The following CDH18 variants were observed in gnomAD, a reference collection of about 807,000 sequenced individuals.
CDH18 encodes cadherin 18, also known as cadherin-18.
In CDH18, 31 loss-of-function variants were observed where a neutral mutation model predicts 67.9. The ratio of observed to expected loss-of-function variants is 0.46; its 90% CI spans 0.34 to 0.62. CDH18 has a LOEUF of 0.62. CDH18 is among the 20% of genes least tolerant of loss of function. The pLI is 0.01. For synonymous variants in CDH18, 362 were observed against 347.2 expected (o/e 1.04, Z -0.48); for missense variants, 890 against 975.5 (o/e 0.91, Z 1.17).
At chr5:19,952,658 A>G (rs894739717) in intron 2 of CDH18, among the ~76,000 whole-genome samples, 3 of 152,198 alleles carry the variant, frequency 2.0e-5, no homozygotes, top group Non-Finnish European at 4.4e-5. Flanking sequence ...TTGTGAAATT[A>G]TATTTCATTG....
At position 20,251,459 on chromosome 5, in the gene CDH18, A is replaced by G. The variant is rs74615719; in HGVS notation, c.-518+3985T>C. Among the ~76,000 whole-genome samples, 12 of 152,294 alleles carry G rather than the reference A, an allele frequency of 7.9e-5. No individual in the cohort carries two copies. The East Asian group carries it at 2.1e-3, about 27-fold the overall frequency. The stretch of plus-strand genomic sequence containing the variant: ...CAAAATCTTTCATAATATGCTTTTT[A>G]TATCTTGTTTATTGTTACAACATGT... On this transcript the variant is annotated intron_variant, in intron 2 of 14. Transcript: ENST00000507958.
At chr5:20,326,648 C>G (rs997715407) in intron 1 of CDH18, among the ~76,000 whole-genome samples, 1 of 151,572 alleles carries the variant, frequency 6.6e-6, no homozygotes, top group Non-Finnish European at 1.5e-5. Flanking sequence ...ACGCCATTCT[C>G]CTGCCTCAGC....
chr5:19,906,548 C>T (rs1025582658), intron 2 of CDH18, among the ~76,000 whole-genome samples: 14 of 151,840 alleles, frequency 9.2e-5, no homozygotes, highest in Admixed American at 9.2e-4. Flanking sequence ...TATTGTAACC[C>T]TTTCTTCTTG....
chr5:19,845,576 T>C (rs1257076512), intron 2 of CDH18, among the ~76,000 whole-genome samples: 3 of 152,110 alleles, frequency 2.0e-5, no homozygotes, highest in Admixed American at 2.0e-4. Flanking sequence ...TGATTTTCTG[T>C]CTGCATGTTC....
chr5:20,261,952 G>A (rs1744691538), intron 1 of CDH18, among the ~76,000 whole-genome samples: 1 of 151,922 alleles, frequency 6.6e-6, no homozygotes, highest in Non-Finnish European at 1.5e-5. Context: ...AGGATTGCCA[G>A]AGAAAAATAG....
At chr5:19,742,327 T>C (rs946959025) in intron 4 of CDH18, among the ~76,000 whole-genome samples, 3 of 152,108 alleles carry the variant, frequency 2.0e-5, no homozygotes, top group African/African-American at 4.8e-5. Flanking sequence ...TCTTGTGACA[T>C]ATTTGCAAAG....
chr5:19,505,803 G>T (rs1438712872), intron 10 of CDH18, among the ~76,000 whole-genome samples: 2 of 151,708 alleles, frequency 1.3e-5, no homozygotes, highest in African/African-American at 2.4e-5. Context: ...TCTCTGCCAG[G>T]CTTTGGTATC....
At chr5:20,506,272 C>A (rs946963291) in intron 1 of CDH18, among the ~76,000 whole-genome samples, 5 of 152,170 alleles carry the variant, frequency 3.3e-5, no homozygotes, top group African/African-American at 1.2e-4. Context: ...TCCTAACTTG[C>A]AGAATAGAAA....
chr5:19,488,905 T>A (rs2126643510), intron 11 of CDH18, among the ~76,000 whole-genome samples: 1 of 152,278 alleles, frequency 6.6e-6, no homozygotes, highest in East Asian at 1.9e-4. Flanking sequence ...GACTCTGGAT[T>A]CTGCTTGTTC....
chr5:20,555,991 T>A (rs1757884590), intron 1 of CDH18, among the ~76,000 whole-genome samples: 1 of 152,138 alleles, frequency 6.6e-6, no homozygotes, highest in Non-Finnish European at 1.5e-5. Flanking sequence ...TTCATTCAAT[T>A]TTTCAAGCTA....
At chr5:20,367,623 A>C (rs926841166) in intron 1 of CDH18, among the ~76,000 whole-genome samples, 1 of 152,242 alleles carries the variant, frequency 6.6e-6, no homozygotes, top group African/African-American at 2.4e-5. Flanking sequence ...ATACTCTTAT[A>C]TTATCCATAT....
chr5:19,980,073 G>T (rs1798883379), intron 2 of CDH18, among the ~76,000 whole-genome samples: 1 of 152,064 alleles, frequency 6.6e-6, no homozygotes, highest in Non-Finnish European at 1.5e-5. Context: ...GACTACTCCA[G>T]AAAGCTCCTA....
At chr5:19,604,926 G>C (rs1369254835) in intron 6 of CDH18, among the ~76,000 whole-genome samples, 1 of 151,580 alleles carries the variant, frequency 6.6e-6, no homozygotes, top group Non-Finnish European at 1.5e-5. Flanking sequence ...ACACATAAAT[G>C]CTTGAAGAAA....
intron 2 of CDH18, among the ~76,000 whole-genome samples, chr5:20,020,082 T>C (rs1490635287): frequency 6.6e-6 from 1 of 152,144 alleles, no homozygotes; most frequent in Non-Finnish European, 1.5e-5. Context: ...CTGTGGAACT[T>C]TGAACTTCAG....
intron 1 of CDH18, among the ~76,000 whole-genome samples, chr5:20,276,833 A>G (rs1413257500): frequency 6.6e-6 from 1 of 152,100 alleles, no homozygotes; most frequent in Non-Finnish European, 1.5e-5. Context: ...CCAGAAGCTG[A>G]CTGAAGAGCT....
At chr5:19,918,913 G>A (rs1792129681) in intron 2 of CDH18, among the ~76,000 whole-genome samples, 2 of 152,050 alleles carry the variant, frequency 1.3e-5, no homozygotes, top group South Asian at 2.1e-4. Flanking sequence ...GATGTCTGGT[G>A]GGTAAAAACC....
intron 2 of CDH18, among the ~76,000 whole-genome samples, chr5:19,958,055 T>C (rs1288503341): frequency 6.6e-6 from 1 of 151,844 alleles, no homozygotes; most frequent in East Asian, 1.9e-4. Flanking sequence ...TCACCTCCTT[T>C]GTGTTTGGGG....
At chr5:20,045,300 G>A (rs1300887240) in intron 2 of CDH18, among the ~76,000 whole-genome samples, 2 of 152,034 alleles carry the variant, frequency 1.3e-5, no homozygotes, top group African/African-American at 4.8e-5. Flanking sequence ...ATCATTTTTG[G>A]TTGTTGAGTG....
chr5:20,484,287 G>A (rs1753017623), intron 1 of CDH18, among the ~76,000 whole-genome samples: 1 of 152,044 alleles, frequency 6.6e-6, no homozygotes, highest in Non-Finnish European at 1.5e-5. Context: ...ATAGATGCTG[G>A]CAAGGATGTG....
Sources: gnomAD v4.1 joint callset for allele counts (sites outside exome capture counted in the v4.1 genomes callset) on GRCh38, gnomAD v4.1.1 for gene constraint, MANE v1.5 for transcripts, NCBI Gene and HGNC (gene_info 2026-07-23, HGNC 2026-07-21) for gene names.